Variants in CRTAM observed in about 807,000 individuals in gnomAD.
CRTAM encodes the protein cytotoxic and regulatory T-cell molecule.
Under a neutral mutation model 50.0 loss-of-function variants are expected in CRTAM, and 44 were observed. That is an observed-to-expected ratio of 0.88 (90% confidence interval 0.69 to 1.13). The LOEUF is 1.13. CRTAM is among the 50% of genes most tolerant of loss of function. The pLI is 0.00. For missense variants in CRTAM, 448 were observed against 457.5 expected (o/e 0.98, Z 0.19); for synonymous variants, 159 against 169.3 (o/e 0.94, Z 0.47).
At chr11:122,847,896 G>A (rs553571653) in intron 1 of CRTAM, among the ~76,000 whole-genome samples, 2 of 152,342 alleles carry the variant, frequency 1.3e-5, no homozygotes, top group South Asian at 4.1e-4. Flanking sequence ...GGGCTTGGAC[G>A]CAGTGGTATG....
intron 7 of CRTAM, among the ~76,000 whole-genome samples, chr11:122,865,241 G>T (rs146147197): frequency 0.022 from 3,395 of 152,106 alleles, 145 homozygotes; most frequent in African/African-American, 0.078. Context: ...ATCCATGTTG[G>T]TCAGTCTGGT....
chr11:122,867,311 C>A, intron 7 of CRTAM, 98 bp from the exon 8 acceptor site: 3 of 1,069,904 alleles, frequency 2.8e-6, no homozygotes, highest in Non-Finnish European at 4.0e-6. Flanking sequence ...TGTCTATTAG[C>A]TTATATCACA....
chr11:122,857,829 C>T (rs1862025192), intron 5 of CRTAM, among the ~76,000 whole-genome samples: 1 of 152,162 alleles, frequency 6.6e-6, no homozygotes, highest in Non-Finnish European at 1.5e-5. Context: ...GTGCCTTCCT[C>T]TGAAAAAGCC....
intron 5 of CRTAM, among the ~76,000 whole-genome samples, chr11:122,856,081 C>T (rs763809221): frequency 5.9e-5 from 9 of 152,180 alleles, no homozygotes; most frequent in Non-Finnish European, 1.0e-4. Context: ...AAGCCTAGCA[C>T]AGCGCCATAT....
intron 4 of CRTAM, 140 bp downstream of exon 4, chr11:122,854,226 A>G: frequency 3.8e-6 from 3 of 780,808 alleles, no homozygotes; most frequent in Non-Finnish European, 5.9e-6. Flanking sequence ...CAGACAAGTT[A>G]TTCTTACAAC....
intron 1 of CRTAM, among the ~76,000 whole-genome samples, chr11:122,846,454 C>T (rs1048739688): frequency 6.6e-6 from 1 of 151,984 alleles, no homozygotes; most frequent in African/African-American, 2.4e-5. Context: ...ATTACAGGTG[C>T]CCACCACCAC....
intron 6 of CRTAM, 162 bp from the exon 7 acceptor site, chr11:122,864,474 G>A: frequency 1.8e-6 from 1 of 554,584 alleles, no homozygotes; most frequent in Non-Finnish European, 3.2e-6. Context: ...CTAGCCATTT[G>A]CAATTATGTT....
At chr11:122,867,613 A>T (rs1159182045) in intron 8 of CRTAM, 58 bp downstream of exon 8, 1 of 1,553,296 alleles carries the variant, frequency 6.4e-7, no homozygotes, top group Admixed American at 1.9e-5. Context: ...TGGCTAAAAA[A>T]AAGGGAAATT....
rs747095615 is a variant in CRTAM at position 122,855,827 on chromosome 11, T to C, written c.623T>C (p.Leu208Pro). ...IRHRGLQGRKLVAPFRFEDLV... is the reference protein window; with the variant it reads ...IRHRGLQGRKPVAPFRFEDLV... ...CACAGAGGCCTGCAAGGGAGAAAAC[T>C]AGTAGCACCCTTCCGGTTTGAAGAT... Residue 208 changes from leucine to proline, a missense_variant, in exon 5 of 10, where the codon CTA (leucine) becomes CCA (proline). Leu to Pro is a moderately conservative substitution (Grantham distance 98). Coordinates refer to ENST00000227348, the MANE Select transcript of CRTAM (RefSeq NM_019604.4). 11 of 1,613,356 alleles carry C rather than the reference T, an allele frequency of 6.8e-6. No individual in the cohort carries two copies. In the African/African-American group the frequency reaches 1.2e-4, roughly 18 times the overall value.
In CRTAM at chr11:122,855,842, G is replaced by T. The variant is rs551538712; in HGVS notation, c.638G>T (p.Arg213Leu). Residue 213 changes from arginine (R) to leucine (L), a missense_variant, in exon 5 of 10, where the codon CGG becomes CTG. Transcript: ENST00000227348. The part of the protein sequence containing the change: ...LQGRKLVAPF[R>L]FEDLVTDEET... ...GGGAGAAAACTAGTAGCACCCTTCC[G>T]GTTTGAAGATTTGGGTAAGAAGAAC... 6.2e-7 allele frequency: 1 copy of T among 1,611,660 alleles called. No homozygotes were observed. The highest frequency in any genetic ancestry group is 1.3e-5 in the African/African-American group (1 of 74,922).
At position 122,855,857 on chromosome 11, in the gene CRTAM, G is replaced by T; in HGVS notation, c.652+1G>T. On this transcript the variant is annotated splice_donor_variant, in intron 5 of 9. Coordinates refer to ENST00000227348, the MANE Select transcript of CRTAM (RefSeq NM_019604.4). LOFTEE classifies it high-confidence loss of function. The stretch of plus-strand genomic sequence containing the variant: ...GCACCCTTCCGGTTTGAAGATTTGG[G>T]TAAGAAGAACTAATGATTCTCTTGA... 6.2e-7 allele frequency: 1 copy of T among 1,608,698 alleles called. No homozygotes were observed. Among genetic ancestry groups the T allele is most frequent in the Admixed American group, 1.7e-5 (1 of 59,052 alleles).
At chr11:122,857,232 G>A (rs11821498) in intron 5 of CRTAM, among the ~76,000 whole-genome samples, 6,877 of 152,308 alleles carry the variant, frequency 0.045, 178 homozygotes, top group African/African-American at 0.067. Flanking sequence ...ACTTTGGGAA[G>A]CCGAGGCGGG....
intron 1 of CRTAM, among the ~76,000 whole-genome samples, chr11:122,846,470 G>A (rs182776310): frequency 5.3e-5 from 8 of 152,062 alleles, no homozygotes; most frequent in African/African-American, 1.7e-4. Context: ...ACCACGCCAG[G>A]CTAATTTTGT....
intron 5 of CRTAM, among the ~76,000 whole-genome samples, chr11:122,860,411 C>T (rs1862056575): frequency 6.6e-6 from 1 of 152,120 alleles, no homozygotes; most frequent in Admixed American, 6.6e-5. Flanking sequence ...GGAGCTAGTG[C>T]ATACCATATT....
chr11:122,863,337 G>GA (rs1289966241), intron 6 of CRTAM, among the ~76,000 whole-genome samples: 1 of 106,106 alleles, frequency 9.4e-6, no homozygotes, highest in Non-Finnish European at 2.4e-5. Flanking sequence ...AAGAAAGAAA[G>GA]AAAGAAAGAA....
intron 7 of CRTAM, among the ~76,000 whole-genome samples, chr11:122,866,997 A>G (rs1916041): frequency 0.033 from 5,076 of 152,206 alleles, 371 homozygotes; most frequent in East Asian, 0.32. Context: ...ATAAATTTTC[A>G]TTTTATTTGG....
At chr11:122,839,824 C>T (rs560794225) in intron 1 of CRTAM, among the ~76,000 whole-genome samples, 19 of 152,322 alleles carry the variant, frequency 1.2e-4, no homozygotes, top group Non-Finnish European at 1.0e-4. Flanking sequence ...ATCTGAAGGA[C>T]GCTACTTTAA....
intron 1 of CRTAM, among the ~76,000 whole-genome samples, chr11:122,839,787 C>G (rs1283657721): frequency 6.6e-6 from 1 of 152,198 alleles, no homozygotes; most frequent in Admixed American, 6.5e-5. Flanking sequence ...ACCTATCCTT[C>G]TAAATCTACA....
rs1015902122 is a variant in CRTAM at position 122,872,125 on chromosome 11, ACT to A, written c.*729_*730del. The A allele has an allele frequency of 9.9e-5, 15 of 151,938 alleles. No individual in the cohort carries two copies. Among genetic ancestry groups the A allele is most frequent in the African/African-American group, 3.4e-4 (14 of 41,318 alleles). The allele number at this position is 151,938 out of a possible 1,614,324, so 9.4% of individuals were successfully genotyped here. On this transcript the variant is annotated 3_prime_UTR_variant, in exon 10 of 10. Coordinates refer to ENST00000227348, the MANE Select transcript of CRTAM (RefSeq NM_019604.4). Reference sequence around the variant, plus strand: ...ACTCCAGCCTGGGCAACAGAGGGAGACTCTGTCTCAAAAAAAAAGAAGTTACT... The same window carrying A: ...ACTCCAGCCTGGGCAACAGAGGGAGACTGTCTCAAAAAAAAAGAAGTTACT...
Sources: allele counts gnomAD v4.1 joint callset (sites outside exome capture counted in the v4.1 genomes callset), GRCh38; gene constraint gnomAD v4.1.1; transcripts MANE v1.5; gene names NCBI Gene and HGNC (gene_info 2026-07-23, HGNC 2026-07-21).